The following DAGLA variants were observed in gnomAD, a reference collection of about 807,000 sequenced individuals.
The protein encoded by DAGLA is diacylglycerol lipase alpha.
In DAGLA, 22 loss-of-function variants were observed where a neutral mutation model predicts 102.6. The observed-to-expected ratio is 0.21, with a 90% confidence interval of 0.15 to 0.31. The LOEUF (loss-of-function observed/expected upper bound fraction) is 0.31. Ranked by LOEUF, DAGLA falls within the 10% of genes least tolerant of loss-of-function variation. The pLI, the probability that DAGLA is intolerant of heterozygous loss-of-function variation, is 1.00. For missense variants in DAGLA, 927 were observed against 1,446.6 expected (o/e 0.64, Z 5.83); for synonymous variants, 578 against 628.9 (o/e 0.92, Z 1.21).
At chr11:61,694,897 G>T (rs2065051919) in intron 1 of DAGLA, among the ~76,000 whole-genome samples, 1 of 152,140 alleles carries the variant, frequency 6.6e-6, no homozygotes, top group Admixed American at 6.5e-5. Context: ...GAACCATGGA[G>T]AGGGGAAGCC....
rs1377774367 is a variant in DAGLA at position 61,720,904 on chromosome 11, A to C, written c.307+14A>C. 14 of 1,605,442 alleles carry C rather than the reference A, an allele frequency of 8.7e-6. No individual in the cohort carries two copies. The highest frequency in any genetic ancestry group is 1.1e-5 in the Non-Finnish European group (13 of 1,175,056). On this transcript the variant is annotated intron_variant, in intron 3 of 19. Coordinates refer to ENST00000257215, the MANE Select transcript of DAGLA (RefSeq NM_006133.3). ...ACGTGCGCCTGGGTAAGGGCCACCC[A>C]CCCTGGGGTGCTGCCCCAGACAACT...
intron 1 of DAGLA, among the ~76,000 whole-genome samples, chr11:61,709,849 C>T (rs1219566990): frequency 6.6e-6 from 1 of 152,126 alleles, no homozygotes; most frequent in African/African-American, 2.4e-5. Context: ...CGAAGGGAAA[C>T]CCAATAGCCC....
chr11:61,733,082 T>G (rs1354098650), intron 9 of DAGLA, among the ~76,000 whole-genome samples: 1 of 152,224 alleles, frequency 6.6e-6, no homozygotes, highest in Non-Finnish European at 1.5e-5. Context: ...AGACCATTTC[T>G]GCATCTTGGA....
intron 7 of DAGLA, 72 bp downstream of exon 7, chr11:61,728,359 C>A: frequency 6.4e-7 from 1 of 1,573,372 alleles, no homozygotes; most frequent in Non-Finnish European, 8.6e-7. Context: ...TCCCTGTGGC[C>A]CCTGCAGCGG....
At chr11:61,681,529 A>C (rs952307196) in intron 1 of DAGLA, among the ~76,000 whole-genome samples, 1 of 152,108 alleles carries the variant, frequency 6.6e-6, no homozygotes, top group African/African-American at 2.4e-5. Flanking sequence ...ATGGCGCACC[A>C]TCTATCTGTA....
intron 18 of DAGLA, among the ~76,000 whole-genome samples, chr11:61,740,827 C>T (rs544970076): frequency 2.0e-5 from 3 of 152,324 alleles, no homozygotes; most frequent in East Asian, 3.9e-4. Context: ...TCCCAGGGGC[C>T]TGTCCCTGAG....
At chr11:61,705,369 T>C (rs140768575) in intron 1 of DAGLA, among the ~76,000 whole-genome samples, 1,577 of 152,342 alleles carry the variant, frequency 0.01, 17 homozygotes, top group Middle Eastern at 0.034. Flanking sequence ...GTCCAGGGCC[T>C]GGCCCTGCCA....
chr11:61,744,542 G>T lies in DAGLA; in HGVS notation c.*53G>T. 6.9e-7 allele frequency: 1 copy of T among 1,441,774 alleles called. No individual in the cohort carries two copies. Among genetic ancestry groups the T allele is most frequent in the Non-Finnish European group, 9.3e-7 (1 of 1,070,834 alleles). 89.3% of individuals were successfully genotyped at this position (1,441,774 alleles called of 1,614,324 possible). On this transcript the variant is annotated 3_prime_UTR_variant, in exon 20 of 20. Coordinates refer to ENST00000257215, the MANE Select transcript of DAGLA (RefSeq NM_006133.3). The stretch of plus-strand genomic sequence containing the variant: ...CAGGCAGGAGCAGGTGGCCCTGTGG[G>T]CACCTGGTGCCTGCCCCCTGCCGGG...
intron 1 of DAGLA, among the ~76,000 whole-genome samples, chr11:61,688,008 A>C (rs2064998620): frequency 6.6e-6 from 1 of 152,138 alleles, no homozygotes; most frequent in Admixed American, 6.5e-5. Flanking sequence ...TTTGGGAAAG[A>C]CATTGTACTA....
chr11:61,703,529 G>A (rs1173082075), intron 1 of DAGLA, among the ~76,000 whole-genome samples: 4 of 152,226 alleles, frequency 2.6e-5, no homozygotes, highest in African/African-American at 9.6e-5. Context: ...AGAACAGAGA[G>A]AAGGCCAGGG....
intron 1 of DAGLA, among the ~76,000 whole-genome samples, chr11:61,707,845 G>A (rs2065162203): frequency 1.3e-5 from 2 of 152,204 alleles, no homozygotes; most frequent in African/African-American, 4.8e-5. Context: ...ACAAGGTGGA[G>A]GGTATGGGTG....
At chr11:61,732,401 C>T (rs554860884) in intron 9 of DAGLA, among the ~76,000 whole-genome samples, 96 of 152,302 alleles carry the variant, frequency 6.3e-4, no homozygotes, top group African/African-American at 2.2e-3. Context: ...CTGCATGTGC[C>T]TGGCATTCTT....
In DAGLA at chr11:61,734,764, G is replaced by A; in HGVS notation, c.975-85G>A. 7.1e-7 allele frequency: 1 copy of A among 1,399,548 alleles called. No individual in the cohort carries two copies. The highest frequency in any genetic ancestry group is 9.9e-7 in the Non-Finnish European group (1 of 1,012,532). 86.7% of individuals were successfully genotyped at this position (1,399,548 alleles called of 1,614,324 possible). A position where few individuals can be genotyped will look rare whatever the true frequency, so the allele number is the denominator to read the frequency against. Reference sequence around the variant, plus strand: ...AGGCAGTGGGGCTGAATGCCCAACTGGAACTGGTTCCAGGGACAGTGGCAG... The same window carrying A: ...AGGCAGTGGGGCTGAATGCCCAACTAGAACTGGTTCCAGGGACAGTGGCAG... On this transcript the variant is annotated intron_variant, in intron 9 of 19. Coordinates refer to ENST00000257215, the MANE Select transcript of DAGLA (RefSeq NM_006133.3). The surrounding 1 kb of genome is among the most constrained non-coding windows in gnomAD (Gnocchi z 4.2).
chr11:61,735,045 G>A, intron 10 of DAGLA, 43 bp downstream of exon 10: 2 of 1,600,370 alleles, frequency 1.2e-6, no homozygotes, highest in Non-Finnish European at 8.5e-7. Flanking sequence ...GGAGCAGGCA[G>A]CTGAGGGCCT....
At position 61,682,853 on chromosome 11, in the gene DAGLA, G is replaced by C. The variant is rs938719131; in HGVS notation, c.-45+2349G>C. On this transcript the variant is annotated intron_variant, in intron 1 of 19. Coordinates refer to ENST00000257215, the MANE Select transcript of DAGLA (RefSeq NM_006133.3). Reference sequence around the variant, plus strand: ...GTTGAGGCTGGATGGCAGGGGGACGGGGGGGGGAGGTGTGGAGGATGCCCT... The same window carrying C: ...GTTGAGGCTGGATGGCAGGGGGACGCGGGGGGGAGGTGTGGAGGATGCCCT... 6.6e-5 allele frequency among the ~76,000 whole-genome samples: 10 copies of C among 150,822 alleles called. 1 individual carries two copies. Among genetic ancestry groups the C allele is most frequent in the Non-Finnish European group, 1.2e-4 (8 of 67,664 alleles).
intron 1 of DAGLA, among the ~76,000 whole-genome samples, chr11:61,709,257 G>T (rs2065174423): frequency 6.6e-6 from 1 of 152,136 alleles, no homozygotes; most frequent in African/African-American, 2.4e-5. Context: ...GTCTAGTTCT[G>T]TCACCTAGAG....
chr11:61,723,005 C>A, intron 4 of DAGLA, 45 bp downstream of exon 4: 1 of 1,458,562 alleles, frequency 6.9e-7, no homozygotes, highest in Non-Finnish European at 9.6e-7. Context: ...GCCCCGGGGG[C>A]ACAGGGGACG....
In DAGLA at chr11:61,724,318, G is replaced by A. The variant is rs1239740733; in HGVS notation, c.548+746G>A. Among the ~76,000 whole-genome samples the A allele has an allele frequency of 2.0e-5, 3 of 152,192 alleles. No homozygotes were observed. In the East Asian group the frequency reaches 5.8e-4, roughly 29 times the overall value. On this transcript the variant is annotated intron_variant, in intron 5 of 19. Coordinates refer to ENST00000257215, the MANE Select transcript of DAGLA (RefSeq NM_006133.3). ...GGTCCCAGTACCTCCTGTTAATGGG[G>A]CTTCTACAGTGCATTATGTAAGGAG...
Position 61,742,790 on chromosome 11 carries a change from C to T in DAGLA, c.2172-742C>T, listed in dbSNP as rs576219869. On this transcript the variant is annotated intron_variant, in intron 19 of 19. Coordinates refer to ENST00000257215, the MANE Select transcript of DAGLA (RefSeq NM_006133.3). ...TCCCTCCCTCCCTCCCTCCCTTCCT[C>T]CTTCCCTCCCTCCCTCCTTCCCTCC... Among the ~76,000 whole-genome samples the T allele has an allele frequency of 3.9e-3, 559 of 142,030 alleles. 4 individuals carry two copies. Among genetic ancestry groups the T allele is most frequent in the African/African-American group, 0.013 (512 of 38,572 alleles). 93.2% of individuals were successfully genotyped at this position (142,030 alleles called of 152,430 possible). A position where few individuals can be genotyped will look rare whatever the true frequency, so the allele number is the denominator to read the frequency against.
Sources: allele counts gnomAD v4.1 joint callset (sites outside exome capture counted in the v4.1 genomes callset), GRCh38; gene constraint gnomAD v4.1.1; non-coding constraint Gnocchi (gnomAD v3.1); transcripts MANE v1.5; gene names NCBI Gene and HGNC (gene_info 2026-07-23, HGNC 2026-07-21).